ADAM32: variants seen among roughly 807,000 people sequenced by gnomAD.
ADAM32 encodes ADAM metallopeptidase domain 32.
A neutral mutation model predicts 114.9 loss-of-function variants in ADAM32; 89 were observed. The observed-to-expected ratio is 0.77, with a 90% CI of 0.65 to 0.92. ADAM32 has a LOEUF of 0.92. Ranked by LOEUF, ADAM32 falls within the 40% of genes least tolerant of loss-of-function variation. The pLI is 0.00. For missense variants in ADAM32, 870 were observed against 932.8 expected (o/e 0.93, Z 0.88); for synonymous variants, 285 against 307.5 (o/e 0.93, Z 0.77).
chr8:39,141,445 G>A lies in ADAM32; in HGVS notation c.200+4727G>A, dbSNP rs939492303. On this transcript the variant is annotated intron_variant, in intron 3 of 24. Coordinates refer to ENST00000379907, the MANE Select transcript of ADAM32 (RefSeq NM_145004.7). ...TTTATTTCTCCCTTCATTTCATTAT[G>A]AACCCAGTAGTCATTCAGGAGCAGA... Among the ~76,000 whole-genome samples the A allele has an allele frequency of 2.6e-5, 4 of 152,066 alleles. No individual in the cohort carries two copies. The South Asian group carries it at 8.3e-4, about 32-fold the overall frequency.
chr8:39,272,146 A>G (rs895029664), intron 20 of ADAM32, among the ~76,000 whole-genome samples: 2 of 151,794 alleles, frequency 1.3e-5, no homozygotes, highest in African/African-American at 4.8e-5. Flanking sequence ...AAAAGAAATA[A>G]AAGAAACATA....
chr8:39,248,180 G>A (rs987754698), intron 17 of ADAM32, among the ~76,000 whole-genome samples: 3 of 151,970 alleles, frequency 2.0e-5, no homozygotes, highest in Non-Finnish European at 4.4e-5. Context: ...TTGATCTTTT[G>A]TGCCTCCATA....
At chr8:39,221,907 GT>G (rs949474129) in intron 13 of ADAM32, among the ~76,000 whole-genome samples, 1 of 151,850 alleles carries the variant, frequency 6.6e-6, no homozygotes, top group African/African-American at 2.4e-5. Flanking sequence ...AGTTGATGCT[GT>G]TTTTTTAAGC....
chr8:39,183,185 G>A (rs1806016268), intron 10 of ADAM32, among the ~76,000 whole-genome samples: 1 of 152,102 alleles, frequency 6.6e-6, no homozygotes, highest in African/African-American at 2.4e-5. Flanking sequence ...TTCTGGCGTG[G>A]CACCTCCATT....
At chr8:39,266,112 C>T (rs1243877967) in intron 19 of ADAM32, among the ~76,000 whole-genome samples, 1 of 152,066 alleles carries the variant, frequency 6.6e-6, no homozygotes, top group Non-Finnish European at 1.5e-5. Flanking sequence ...TTTCACATTG[C>T]CTTTGGAGAA....
intron 12 of ADAM32, among the ~76,000 whole-genome samples, chr8:39,214,882 G>GGTCTA (rs1182362746): frequency 4.0e-5 from 6 of 151,720 alleles, no homozygotes; most frequent in Non-Finnish European, 8.8e-5. Flanking sequence ...GAGAGGGAGG[G>GGTCTA]GTCTAGTTTC....
intron 2 of ADAM32, chr8:39,129,956 T>A: frequency 2.1e-5 from 1 of 48,354 alleles, no homozygotes; most frequent in South Asian, 3.5e-4. Context: ...TCACATTTCC[T>A]TTTTTTTTTT....
intron 16 of ADAM32, among the ~76,000 whole-genome samples, chr8:39,238,988 A>G (rs374472438): frequency 6.6e-6 from 1 of 152,136 alleles, no homozygotes; most frequent in East Asian, 1.9e-4. Flanking sequence ...AAAGTTTGGA[A>G]AACTTATTTG....
intron 22 of ADAM32, among the ~76,000 whole-genome samples, chr8:39,277,592 C>T (rs1306815343): frequency 1.3e-5 from 2 of 152,158 alleles, no homozygotes; most frequent in Admixed American, 6.5e-5. Flanking sequence ...CGTGGGTGAA[C>T]GAGGTGGGAG....
At chr8:39,135,157 A>G (rs985645215) in intron 2 of ADAM32, among the ~76,000 whole-genome samples, 1 of 152,206 alleles carries the variant, frequency 6.6e-6, no homozygotes, top group Non-Finnish European at 1.5e-5. Context: ...CTCTGTCGCA[A>G]GAAAAAAACA....
At chr8:39,158,548 C>T in intron 6 of ADAM32, 1 of 348,312 alleles carries the variant, frequency 2.9e-6, no homozygotes, top group Non-Finnish European at 5.5e-6. Flanking sequence ...TGTGTCATGC[C>T]AGCCTTGTAT....
chr8:39,163,754 C>T (rs1804657222), intron 7 of ADAM32, among the ~76,000 whole-genome samples: 1 of 152,168 alleles, frequency 6.6e-6, no homozygotes, highest in Admixed American at 6.5e-5. Flanking sequence ...ATAATAATAC[C>T]ATTCACTAAA....
At chr8:39,226,131 C>T (rs977370791) in intron 14 of ADAM32, among the ~76,000 whole-genome samples, 1 of 151,664 alleles carries the variant, frequency 6.6e-6, no homozygotes, top group African/African-American at 2.4e-5. Flanking sequence ...ACAGAATTCA[C>T]AAAGCAAAAG....
intron 6 of ADAM32, among the ~76,000 whole-genome samples, chr8:39,159,851 T>C (rs1362706375): frequency 6.6e-6 from 1 of 152,212 alleles, no homozygotes; most frequent in Non-Finnish European, 1.5e-5. Flanking sequence ...ACCAGGAATA[T>C]GGGCCTCTAT....
intron 14 of ADAM32, among the ~76,000 whole-genome samples, chr8:39,227,031 C>T (rs1171966971): frequency 6.6e-6 from 1 of 152,140 alleles, no homozygotes; most frequent in Admixed American, 6.5e-5. Context: ...TAGATTACAG[C>T]TCCGGAAGGG....
intron 10 of ADAM32, among the ~76,000 whole-genome samples, chr8:39,182,663 A>G (rs558212854): frequency 6.6e-6 from 1 of 152,222 alleles, no homozygotes; most frequent in Non-Finnish European, 1.5e-5. Context: ...TTTGACCAAC[A>G]TCTCCCAGAA....
chr8:39,248,624 T>C (rs1585639892), intron 17 of ADAM32, among the ~76,000 whole-genome samples: 1 of 152,208 alleles, frequency 6.6e-6, no homozygotes, highest in African/African-American at 2.4e-5. Context: ...GTTTATGTCA[T>C]ATATGAACAA....
At chr8:39,275,900 T>A (rs1220798536) in intron 22 of ADAM32, 34 bp downstream of exon 22, 1 of 1,508,578 alleles carries the variant, frequency 6.6e-7, no homozygotes, top group African/African-American at 1.4e-5. Flanking sequence ...TTTTATATAA[T>A]AAGTATATGT....
intron 1 of ADAM32, among the ~76,000 whole-genome samples, chr8:39,116,719 G>T (rs1235557180): frequency 6.6e-6 from 1 of 152,098 alleles, no homozygotes; most frequent in African/African-American, 2.4e-5. Context: ...CTATTCGGAT[G>T]CCTTTTATTT....
Sources: gnomAD v4.1 joint callset for allele counts (sites outside exome capture counted in the v4.1 genomes callset) on GRCh38, gnomAD v4.1.1 for gene constraint, MANE v1.5 for transcripts, NCBI Gene and HGNC (gene_info 2026-07-23, HGNC 2026-07-21) for gene names.